The following TAF4 variants were observed in gnomAD, a reference collection of about 807,000 sequenced individuals.
TAF4 encodes TATA-box binding protein associated factor 4, also known as transcription initiation factor TFIID subunit 4.
TAF4 carries 9 observed loss-of-function variants against 90.3 expected under a neutral mutation model. That is an observed-to-expected ratio of 0.10 (90% confidence interval 0.06 to 0.17). TAF4 has a LOEUF of 0.17. Among genes scored for constraint, TAF4 ranks in the 10% least tolerant of loss-of-function variants. The pLI is 1.00. For missense variants in TAF4, 1,351 were observed against 1,370.7 expected, an observed-to-expected ratio of 0.99 and a Z score of 0.23; for synonymous variants, 818 against 638.9, an observed-to-expected ratio of 1.28 and a Z score of -4.23.
chr20:62,009,882 G>A (rs2055768296), intron 4 of TAF4, among the ~76,000 whole-genome samples, 164 bp downstream of exon 4: 1 of 152,208 alleles, frequency 6.6e-6, no homozygotes. Context: ...CAGCACAGCA[G>A]CAGAGCCCCA....
At chr20:62,043,261 G>C (rs1372737613) in intron 1 of TAF4, among the ~76,000 whole-genome samples, 2 of 152,172 alleles carry the variant, frequency 1.3e-5, no homozygotes, top group African/African-American at 4.8e-5. Context: ...CAAGGCTGCA[G>C]TAAGCCATGA....
At chr20:61,996,992 A>T (rs1166221086) in intron 14 of TAF4, among the ~76,000 whole-genome samples, 1 of 152,172 alleles carries the variant, frequency 6.6e-6, no homozygotes, top group Non-Finnish European at 1.5e-5. Flanking sequence ...AAGGAGGGAA[A>T]CATAAAAGAC....
At position 62,010,626 on chromosome 20, in the gene TAF4, T is replaced by G. The variant is rs1047614112; in HGVS notation, c.1642-461A>C. On this transcript the variant is annotated intron_variant, in intron 3 of 14. Coordinates refer to ENST00000252996, the MANE Select transcript of TAF4 (RefSeq NM_003185.4). The surrounding 1 kb of genome is among the most constrained non-coding windows in gnomAD (Gnocchi z 4.5). ...CGGTCAGGGCTCCACAGCCGCAGCCTCCCATAGGGGAGGGTCCCCAGCTCC... is the reference window on the plus strand; with the variant it reads ...CGGTCAGGGCTCCACAGCCGCAGCCGCCCATAGGGGAGGGTCCCCAGCTCC... Among the ~76,000 whole-genome samples the G allele has an allele frequency of 2.0e-5, 3 of 152,072 alleles. No homozygotes were observed. The highest frequency in any genetic ancestry group is 2.9e-5 in the Non-Finnish European group (2 of 68,032).
At chr20:62,028,581 T>C (rs1209825571) in intron 1 of TAF4, among the ~76,000 whole-genome samples, 1 of 152,096 alleles carries the variant, frequency 6.6e-6, no homozygotes, top group African/African-American at 2.4e-5. Flanking sequence ...GCCATCACTT[T>C]AGGAAATTCT....
At chr20:62,051,416 G>C (rs543801270) in intron 1 of TAF4, among the ~76,000 whole-genome samples, 23 of 152,216 alleles carry the variant, frequency 1.5e-4, no homozygotes, top group African/African-American at 5.5e-4. Context: ...ACTCCTGTCA[G>C]GCAGGGAGCC....
intron 14 of TAF4, among the ~76,000 whole-genome samples, chr20:61,992,230 T>C (rs1435908692): frequency 2.6e-5 from 4 of 152,196 alleles, no homozygotes; most frequent in African/African-American, 9.7e-5. Flanking sequence ...GCTTATGGTG[T>C]GTAACAGCTA....
Position 62,065,187 on chromosome 20 carries a change from G to A in TAF4, c.624C>T (p.His208=), listed in dbSNP as rs1315866498. The A allele has an allele frequency of 8.3e-6, 10 of 1,208,444 alleles. No homozygotes were observed. The South Asian group carries it at 1.1e-4, about 13-fold the overall frequency. The allele number at this position is 1,208,444 out of a possible 1,614,324, so 74.9% of individuals were successfully genotyped here. A position where few individuals can be genotyped will look rare whatever the true frequency, so the allele number is the denominator to read the frequency against. The change falls in exon 1 of 15, where the codon CAC becomes CAT. Residue 208 remains histidine (H), a synonymous_variant. Coordinates refer to ENST00000252996, the MANE Select transcript of TAF4 (RefSeq NM_003185.4). ...GGCTGACAGCAGGTGCGGCGGCGTG[G>A]TGCGAGTTCAGCAGCGCGGCGCTCC... is the stretch of plus-strand genomic sequence containing the variant. ...LNGSAALLNS[H]HAAAPAVSLV...
At chr20:62,021,800 G>T (rs1474576055) in intron 1 of TAF4, among the ~76,000 whole-genome samples, 1 of 151,090 alleles carries the variant, frequency 6.6e-6, no homozygotes, top group Non-Finnish European at 1.5e-5. Flanking sequence ...TTTTTTTTTT[G>T]AAACAGAGTC....
chr20:62,017,133 C>T (rs1351103804), intron 1 of TAF4, among the ~76,000 whole-genome samples: 2 of 151,248 alleles, frequency 1.3e-5, no homozygotes, highest in Non-Finnish European at 2.9e-5. Flanking sequence ...AGAGTGAGAC[C>T]CCATCTCCTA....
At chr20:62,046,679 T>G (rs1457232747) in intron 1 of TAF4, among the ~76,000 whole-genome samples, 1 of 152,196 alleles carries the variant, frequency 6.6e-6, no homozygotes, top group Non-Finnish European at 1.5e-5. Flanking sequence ...CTTTTTACGC[T>G]TCTCCTAACT....
At chr20:62,024,549 T>C (rs746321566) in intron 1 of TAF4, among the ~76,000 whole-genome samples, 1 of 152,176 alleles carries the variant, frequency 6.6e-6, no homozygotes, top group African/African-American at 2.4e-5. Flanking sequence ...ATCCAGAATG[T>C]ATGCAGAATC....
At chr20:62,000,348 A>G (rs2055691536) in intron 10 of TAF4, 94 bp from the exon 11 acceptor site, 2 of 1,534,612 alleles carry the variant, frequency 1.3e-6, no homozygotes, top group African/African-American at 1.4e-5. Flanking sequence ...CTGCTTTTAT[A>G]CAACCCAAGG....
At chr20:61,994,064 T>A (rs951674930) in intron 14 of TAF4, among the ~76,000 whole-genome samples, 1 of 151,398 alleles carries the variant, frequency 6.6e-6, no homozygotes, top group Admixed American at 6.6e-5. Flanking sequence ...GGCTACAAAA[T>A]CTATGCCTTT....
chr20:62,063,582 C>T (rs1393638571), intron 1 of TAF4, among the ~76,000 whole-genome samples: 1 of 152,134 alleles, frequency 6.6e-6, no homozygotes, highest in Non-Finnish European at 1.5e-5. Flanking sequence ...GCGGAAGTGG[C>T]GTCGGAGCCC....
chr20:61,984,878 G>A (rs1057000576), intron 14 of TAF4, among the ~76,000 whole-genome samples: 1 of 94,348 alleles, frequency 1.1e-5, no homozygotes, highest in Non-Finnish European at 2.1e-5. Context: ...GGCAGGAGGA[G>A]GGAAGGTGCA....
chr20:62,021,955 G>A (rs116079789), intron 1 of TAF4, among the ~76,000 whole-genome samples: 3,452 of 152,236 alleles, frequency 0.023, 55 homozygotes, highest in Middle Eastern at 0.058. Context: ...TCCAAAGCCC[G>A]GGAGGGCGCT....
intron 6 of TAF4, chr20:62,007,127 A>G (rs1205503840): frequency 3.7e-6 from 1 of 267,248 alleles, no homozygotes; most frequent in Non-Finnish European, 7.0e-6. Context: ...CTATGACTGT[A>G]ACAAAACATC....
At chr20:61,988,807 T>C (rs893880034) in intron 14 of TAF4, among the ~76,000 whole-genome samples, 9 of 152,150 alleles carry the variant, frequency 5.9e-5, no homozygotes, top group Admixed American at 5.9e-4. Context: ...GCGTTCTCGA[T>C]ACTCCACGTA....
chr20:62,054,738 T>C (rs931336089), intron 1 of TAF4, among the ~76,000 whole-genome samples: 18 of 151,970 alleles, frequency 1.2e-4, no homozygotes, highest in African/African-American at 4.4e-4. Flanking sequence ...GCCTTGGAGG[T>C]GCCGGCACCT....
Sources: gnomAD v4.1 joint callset for allele counts (sites outside exome capture counted in the v4.1 genomes callset) on GRCh38, gnomAD v4.1.1 for gene constraint, Gnocchi (gnomAD v3.1) non-coding constraint, MANE v1.5 for transcripts, NCBI Gene and HGNC (gene_info 2026-07-23, HGNC 2026-07-21) for gene names.